PRDM10: variants seen among roughly 807,000 people sequenced by gnomAD.
The protein encoded by PRDM10 is PR/SET domain 10.
In PRDM10, 65 loss-of-function variants were observed where a neutral mutation model predicts 133.1. The ratio of observed to expected loss-of-function variants is 0.49; its 90% CI spans 0.40 to 0.60. PRDM10 has a LOEUF of 0.60. Among genes scored for constraint, PRDM10 ranks in the 20% least tolerant of loss-of-function variants. The pLI, the probability that PRDM10 is intolerant of heterozygous loss-of-function variation, is 0.00. For missense variants in PRDM10, 1,137 were observed against 1,507.1 expected (o/e 0.75, Z 4.07); for synonymous variants, 582 against 580.4 (o/e 1.00, Z -0.04).
intron 1 of PRDM10, among the ~76,000 whole-genome samples, chr11:129,968,651 T>G (rs1951954135): frequency 7.4e-6 from 1 of 134,916 alleles, no homozygotes; most frequent in African/African-American, 2.9e-5. Context: ...CACTAAGCCC[T>G]TCTCAGCTAA....
intron 20 of PRDM10, among the ~76,000 whole-genome samples, chr11:129,904,302 T>C (rs1949943366): frequency 1.3e-5 from 2 of 152,140 alleles, no homozygotes; most frequent in Admixed American, 1.3e-4. Flanking sequence ...TCCTTTTTTT[T>C]CCTTCTAGCT....
chr11:129,961,667 G>A (rs1951798219), intron 1 of PRDM10, among the ~76,000 whole-genome samples: 1 of 152,024 alleles, frequency 6.6e-6, no homozygotes, highest in Non-Finnish European at 1.5e-5. Context: ...TTTGAGACCA[G>A]CCTGGTTAAC....
intron 19 of PRDM10, among the ~76,000 whole-genome samples, chr11:129,907,698 T>C (rs770915283): frequency 4.5e-4 from 69 of 152,004 alleles, no homozygotes; most frequent in Admixed American, 8.5e-4. Context: ...CCACTGTGCC[T>C]GGCCAAGCAA....
In PRDM10 at chr11:129,942,599, T is replaced by A. The variant is rs746560802; in HGVS notation, c.793A>T (p.Arg265Trp). Residue 265 changes from arginine (R) to tryptophan (W), a missense_variant, in exon 7 of 21, where the codon AGG becomes TGG. Coordinates refer to ENST00000360871, the MANE Select transcript of PRDM10 (RefSeq NM_199437.2). The stretch of plus-strand genomic sequence containing the variant: ...AACCATAGGTCTTCATGTAAATCCC[T>A]TTCTTTCCTGTCCCCTTTATCAAGA... ...VSLDKGDRKERDLHEDLWFEL... is the reference protein window; with the variant it reads ...VSLDKGDRKEWDLHEDLWFEL... 6.2e-7 allele frequency: 1 copy of A among 1,614,134 alleles called. No individual in the cohort carries two copies. The highest frequency in any genetic ancestry group is 1.1e-5 in the South Asian group (1 of 91,080).
chr11:129,938,409 C>T (rs974553341), intron 7 of PRDM10, among the ~76,000 whole-genome samples: 1 of 152,206 alleles, frequency 6.6e-6, no homozygotes, highest in African/African-American at 2.4e-5. Flanking sequence ...TGATGAATAC[C>T]TTCCACCCAG....
chr11:129,993,017 TA>T (rs1938835610), intron 1 of PRDM10, among the ~76,000 whole-genome samples: 1 of 152,194 alleles, frequency 6.6e-6, no homozygotes, highest in South Asian at 2.1e-4. Context: ...TGCTGGTCAT[TA>T]AAGTATGCAT....
chr11:129,917,040 A>T (rs1950379496), intron 15 of PRDM10, 87 bp downstream of exon 15: 1 of 889,864 alleles, frequency 1.1e-6, no homozygotes. Flanking sequence ...GTAACAAAAA[A>T]ATCGTAGTAT....
chr11:129,966,420 T>C lies in PRDM10; in HGVS notation c.-118-5338A>G, dbSNP rs566806882. ...CAGTGGCATCTTGCAGTTACTGTCA[T>C]CCAGGTGGCAGTCAGGACATAGGGT... On this transcript the variant is annotated intron_variant, in intron 1 of 20. Coordinates refer to ENST00000360871, the MANE Select transcript of PRDM10 (RefSeq NM_199437.2). Among the ~76,000 whole-genome samples, 6 of 152,318 alleles carry C rather than the reference T, an allele frequency of 3.9e-5. No individual in the cohort carries two copies. The South Asian group carries it at 1.2e-3, about 32-fold the overall frequency.
rs370907668 is a variant in PRDM10 at position 129,944,447 on chromosome 11, T to C, written c.762+324A>G. On this transcript the variant is annotated intron_variant, in intron 6 of 20. Transcript: ENST00000360871. ...AATACAAAAAGAAATTAGCCGGGCG[T>C]GGTGGCGGGCGCCTGTAGTCCCAGC... is the stretch of plus-strand genomic sequence containing the variant. Among the ~76,000 whole-genome samples, 282 of 151,786 alleles carry C rather than the reference T, an allele frequency of 1.9e-3. 2 individuals are homozygous for C. The highest frequency in any genetic ancestry group is 7.8e-3 in the East Asian group (40 of 5,140).
chr11:129,961,772 G>C (rs187337234), intron 1 of PRDM10, among the ~76,000 whole-genome samples: 121 of 152,072 alleles, frequency 8.0e-4, no homozygotes, highest in Non-Finnish European at 1.5e-3. Context: ...CACTCACTGG[G>C]GGTGGGTGTG....
intron 13 of PRDM10, among the ~76,000 whole-genome samples, chr11:129,921,116 T>C (rs1456172223): frequency 6.6e-6 from 1 of 152,234 alleles, no homozygotes; most frequent in East Asian, 1.9e-4. Flanking sequence ...TTTTCTCTAT[T>C]CTAGTGTGAG....
intron 19 of PRDM10, among the ~76,000 whole-genome samples, chr11:129,906,653 T>A (rs1009148655): frequency 6.6e-6 from 1 of 152,206 alleles, no homozygotes; most frequent in Non-Finnish European, 1.5e-5. Context: ...TTTTTCTTTA[T>A]AAAAGTTTTC....
chr11:129,928,414 T>G (rs988672733), intron 11 of PRDM10, among the ~76,000 whole-genome samples: 49 of 145,822 alleles, frequency 3.4e-4, no homozygotes, highest in African/African-American at 1.3e-3. Flanking sequence ...TTTTGAGACA[T>G]GGTCTCACTC....
At chr11:129,933,722 A>G (rs1256714758) in intron 9 of PRDM10, among the ~76,000 whole-genome samples, 1 of 152,174 alleles carries the variant, frequency 6.6e-6, no homozygotes, top group Non-Finnish European at 1.5e-5. Context: ...AAATCACAAT[A>G]TAATATAAAA....
intron 17 of PRDM10, among the ~76,000 whole-genome samples, chr11:129,913,070 A>C (rs1950240386): frequency 6.6e-6 from 1 of 151,430 alleles, no homozygotes; most frequent in Non-Finnish European, 1.5e-5. Context: ...AAAAAAAAAA[A>C]ATAGCCAGGC....
chr11:129,936,590 T>C (rs1346209514), intron 8 of PRDM10, among the ~76,000 whole-genome samples: 2 of 152,032 alleles, frequency 1.3e-5, no homozygotes, highest in African/African-American at 2.4e-5. Flanking sequence ...GAGGTGGAGC[T>C]TGCAGTGAGC....
intron 1 of PRDM10, among the ~76,000 whole-genome samples, chr11:129,971,344 GT>G (rs538103484): frequency 7.8e-4 from 119 of 152,268 alleles, no homozygotes; most frequent in African/African-American, 2.8e-3. Flanking sequence ...CCAGTGGTCT[GT>G]TTTGACAGGG....
chr11:129,970,152 A>T (rs941950769), intron 1 of PRDM10, among the ~76,000 whole-genome samples: 1 of 152,234 alleles, frequency 6.6e-6, no homozygotes, highest in East Asian at 1.9e-4. Context: ...CTGACATGTT[A>T]TGTTATAATA....
intron 1 of PRDM10, among the ~76,000 whole-genome samples, chr11:129,969,623 ATCTC>A (rs1951975474): frequency 6.8e-6 from 1 of 146,574 alleles, no homozygotes; most frequent in Non-Finnish European, 1.5e-5. Context: ...GTGAAACCCC[ATCTC>A]TACTAGAAAT....
Sources: gnomAD v4.1 joint callset for allele counts (sites outside exome capture counted in the v4.1 genomes callset) on GRCh38, gnomAD v4.1.1 for gene constraint, MANE v1.5 for transcripts, NCBI Gene and HGNC (gene_info 2026-07-23, HGNC 2026-07-21) for gene names.